The following FGF1 variants were observed in gnomAD, a reference collection of about 807,000 sequenced individuals.
FGF1 encodes beta-endothelial cell growth factor.
FGF1 carries 9 observed loss-of-function variants against 13.4 expected under a neutral mutation model. That is an observed-to-expected ratio of 0.67 (90% CI 0.40 to 1.17). The LOEUF (loss-of-function observed/expected upper bound fraction) is 1.17. FGF1 is among the 50% of genes most tolerant of loss of function. The pLI is 0.01. For synonymous variants in FGF1, 93 were observed against 79.0 expected, an observed-to-expected ratio of 1.18 and a Z score of -0.94; for missense variants, 156 against 192.7, an observed-to-expected ratio of 0.81 and a Z score of 1.13.
At chr5:142,674,499 G>C (rs1405773384) in intron 1 of FGF1, among the ~76,000 whole-genome samples, 1 of 152,174 alleles carries the variant, frequency 6.6e-6, no homozygotes, top group Non-Finnish European at 1.5e-5. Context: ...TAGTGTTACT[G>C]TGCAAGTTAA....
intron 1 of FGF1, among the ~76,000 whole-genome samples, chr5:142,660,012 T>C (rs956447354): frequency 4.6e-5 from 7 of 152,216 alleles, no homozygotes; most frequent in Admixed American, 2.6e-4. Context: ...AGGCCCTGCG[T>C]CAGGCGATTT....
intron 2 of FGF1, among the ~76,000 whole-genome samples, chr5:142,609,364 G>A (rs1007019521): frequency 1.3e-5 from 2 of 152,168 alleles, no homozygotes; most frequent in African/African-American, 4.8e-5. Flanking sequence ...GGCAGCTGAA[G>A]GTTTGGAATG....
intron 2 of FGF1, among the ~76,000 whole-genome samples, chr5:142,608,786 T>C (rs1758398257): frequency 1.2e-5 from 1 of 85,168 alleles, no homozygotes; most frequent in Non-Finnish European, 2.6e-5. Flanking sequence ...ATATAGTATA[T>C]GTGATATATT....
intron 1 of FGF1, among the ~76,000 whole-genome samples, chr5:142,619,856 A>AC (rs1344144037): frequency 6.6e-6 from 1 of 151,936 alleles, no homozygotes; most frequent in Non-Finnish European, 1.5e-5. Flanking sequence ...AAAACGAAAA[A>AC]AAAACAAAAC....
At chr5:142,614,416 T>C (rs1399866949) in intron 1 of FGF1, among the ~76,000 whole-genome samples, 1 of 152,196 alleles carries the variant, frequency 6.6e-6, no homozygotes, top group Non-Finnish European at 1.5e-5. Flanking sequence ...AAACTGCATT[T>C]TTTAGAACTT....
At chr5:142,602,788 C>A (rs1756865293) in intron 2 of FGF1, among the ~76,000 whole-genome samples, 1 of 151,932 alleles carries the variant, frequency 6.6e-6, no homozygotes, top group African/African-American at 2.4e-5. Flanking sequence ...CTTCTTTCTT[C>A]TTGCTGATTG....
At chr5:142,697,591 C>G (rs1753332229) in intron 2 of FGF1, 1 of 152,302 alleles carries the variant, frequency 6.6e-6, no homozygotes, top group Non-Finnish European at 1.5e-5. Context: ...CTGTAGCAAT[C>G]TGAGCCCTTT....
chr5:142,681,748 C>T lies in FGF1; in HGVS notation c.-35+4209G>A, dbSNP rs140474126. Among the ~76,000 whole-genome samples, 1,271 of 152,320 alleles carry T rather than the reference C, an allele frequency of 8.3e-3. 27 individuals carry two copies. Among genetic ancestry groups the T allele is most frequent in the Admixed American group, 0.025 (377 of 15,296 alleles). On this transcript the variant is annotated intron_variant, in intron 1 of 3. Transcript: ENST00000337706. ...CTAGGTATGAAGCTTGGCTCTGCCA[C>T]TTGGTGGCTGTGTGACCTTAGCCAA...
intron 1 of FGF1, among the ~76,000 whole-genome samples, chr5:142,628,367 G>A (rs554051480): frequency 6.6e-5 from 10 of 152,184 alleles, no homozygotes; most frequent in East Asian, 3.9e-4. Flanking sequence ...AAAATTAGCC[G>A]GGCGTGATGG....
Position 142,637,382 on chromosome 5 carries a change from C to T in FGF1, c.-34-23221G>A, listed in dbSNP as rs539707078. ...TCGCCCAGGCTGGAGTGCAGTGGCT[C>T]GATCTCAGCTCACTGCAAGCTCCGC... On this transcript the variant is annotated intron_variant, in intron 1 of 3. Transcript: ENST00000337706. 1.0e-3 allele frequency among the ~76,000 whole-genome samples: 155 copies of T among 150,636 alleles called. 2 individuals are homozygous for T. The highest frequency in any genetic ancestry group is 3.5e-3 in the African/African-American group (144 of 40,864).
intron 2 of FGF1, among the ~76,000 whole-genome samples, chr5:142,605,274 T>G (rs889959051): frequency 1.8e-5 from 2 of 111,986 alleles, no homozygotes; most frequent in Admixed American, 8.7e-5. Context: ...GCCTGGCTAG[T>G]TTTTTTTTTT....
intron 1 of FGF1, among the ~76,000 whole-genome samples, chr5:142,624,072 A>G (rs1762083069): frequency 6.6e-6 from 1 of 152,086 alleles, no homozygotes; most frequent in South Asian, 2.1e-4. Context: ...GGCACCCGCT[A>G]CCATACCTGG....
rs535846621 is a variant in FGF1, at chr5:142,637,460, C to T, written c.-34-23299G>A. On this transcript the variant is annotated intron_variant, in intron 1 of 3. Transcript: ENST00000337706. ...TCAGCCTCCCGAGTAGCTGGGACTA[C>T]AGGTGCCTGCCACCACACTCAGCTA... Among the ~76,000 whole-genome samples, 168 of 151,968 alleles carry T rather than the reference C, an allele frequency of 1.1e-3. 4 individuals carry two copies. Among genetic ancestry groups the T allele is most frequent in the African/African-American group, 4.0e-3 (164 of 41,306 alleles).
At chr5:142,662,721 G>T (rs1769486572) in intron 1 of FGF1, among the ~76,000 whole-genome samples, 1 of 152,144 alleles carries the variant, frequency 6.6e-6, no homozygotes, top group African/African-American at 2.4e-5. Flanking sequence ...TCTTTGCCCT[G>T]GGGGAACTTA....
At chr5:142,645,169 G>A (rs2151959056) in intron 1 of FGF1, among the ~76,000 whole-genome samples, 1 of 152,242 alleles carries the variant, frequency 6.6e-6, no homozygotes, top group East Asian at 1.9e-4. Flanking sequence ...CATGGTGAAG[G>A]GCAGGCAATA....
chr5:142,693,452 CG>C (rs1752565873), intron 2 of FGF1, among the ~76,000 whole-genome samples: 2 of 151,792 alleles, frequency 1.3e-5, no homozygotes, highest in Non-Finnish European at 2.9e-5. Flanking sequence ...CCACCACACC[CG>C]GCTAATTTTT....
At chr5:142,606,635 A>G (rs1248250829) in intron 2 of FGF1, among the ~76,000 whole-genome samples, 1 of 152,184 alleles carries the variant, frequency 6.6e-6, no homozygotes, top group East Asian at 1.9e-4. Flanking sequence ...AAAAGAAAAG[A>G]AAAAGAACAC....
At chr5:142,683,487 C>T (rs370031875) in intron 1 of FGF1, among the ~76,000 whole-genome samples, 1 of 152,094 alleles carries the variant, frequency 6.6e-6, no homozygotes, top group Non-Finnish European at 1.5e-5. Context: ...AAATGCATTC[C>T]TAATTTTGCT....
At chr5:142,645,942 T>C (rs183809146) in intron 1 of FGF1, among the ~76,000 whole-genome samples, 125 of 152,338 alleles carry the variant, frequency 8.2e-4, no homozygotes, top group Non-Finnish European at 1.3e-3. Flanking sequence ...GGAGTCTTGC[T>C]TTGTCGCCTA....
Sources: allele counts gnomAD v4.1 joint callset (sites outside exome capture counted in the v4.1 genomes callset), GRCh38; gene constraint gnomAD v4.1.1; transcripts MANE v1.5; gene names NCBI Gene and HGNC (gene_info 2026-07-23, HGNC 2026-07-21).